The following IWS1 variants were observed in gnomAD, a reference collection of about 807,000 sequenced individuals.
IWS1 encodes interacts with SUPT6H, CTD assembly factor 1.
A neutral mutation model predicts 86.7 loss-of-function variants in IWS1; 27 were observed. The ratio of observed to expected loss-of-function variants is 0.31; its 90% CI spans 0.23 to 0.43. IWS1 has a LOEUF of 0.43. Among genes scored for constraint, IWS1 ranks in the 20% least tolerant of loss-of-function variants. The pLI is 1.00. For synonymous variants in IWS1, 313 were observed against 335.1 expected (o/e 0.93, Z 0.72); for missense variants, 827 against 1,000.8 (o/e 0.83, Z 2.34).
Position 127,505,427 on chromosome 2 carries a change from G to C in IWS1, c.476C>G (p.Ser159Cys), listed in dbSNP as rs1315853780. Residue 159 changes from serine to cysteine, a missense_variant, in exon 3 of 14, where the codon TCT becomes TGT. By Grantham distance (112) the Ser-to-Cys change is moderately radical. This residue lies in a region of IWS1 where 548 missense variants were observed against 560.2 expected (regional missense o/e 0.98). Coordinates refer to ENST00000295321, the MANE Select transcript of IWS1 (RefSeq NM_017969.3). This position sits in a 1 kb window ranked among gnomAD's most constrained non-coding sequence, Gnocchi z 5.0. ...ACTCTTCTGGAGCTCCTCAATCTCA[G>C]AATCACTGGCGGGATGCTTCCCAAC... ...EDVGKHPASDSEIEELQKSPA... is the reference protein window; with the variant it reads ...EDVGKHPASDCEIEELQKSPA... The C allele has an allele frequency of 6.2e-7, 1 of 1,614,014 alleles. No homozygotes were observed. The highest frequency in any genetic ancestry group is 8.5e-7 in the Non-Finnish European group (1 of 1,180,036).
chr2:127,527,079 A>T (rs564789122), upstream of IWS1, among the ~76,000 whole-genome samples: 1 of 152,342 alleles, frequency 6.6e-6, no homozygotes, highest in African/African-American at 2.4e-5. Flanking sequence ...GGTGAAGTTG[A>T]ACTTTACCTG....
chr2:127,506,077 T>C (rs1691134515), intron 2 of IWS1, among the ~76,000 whole-genome samples: 1 of 152,242 alleles, frequency 6.6e-6, no homozygotes, highest in South Asian at 2.1e-4. Context: ...TACATACTTC[T>C]GTTTTGTAAA....
At position 127,496,197 on chromosome 2, in the gene IWS1, C is replaced by T. The variant is rs777903903; in HGVS notation, c.1566-49G>A. The T allele has an allele frequency of 7.0e-6, 11 of 1,564,568 alleles. No homozygotes were observed. The East Asian group carries it at 9.1e-5, about 13-fold the overall frequency. ...TGAAATACAAGTTGTCTTTTAAATA[C>T]ACATTTACTTTCACAACAATTAAGA... On this transcript the variant is annotated intron_variant, in intron 6 of 13. Coordinates refer to ENST00000295321, the MANE Select transcript of IWS1 (RefSeq NM_017969.3).
intron 13 of IWS1, among the ~76,000 whole-genome samples, chr2:127,481,550 A>G (rs1476649631): frequency 6.6e-6 from 1 of 152,146 alleles, no homozygotes; most frequent in Non-Finnish European, 1.5e-5. Flanking sequence ...GCCGCTTGAC[A>G]TGCACTTTCA....
chr2:127,505,216 G>A lies in IWS1; in HGVS notation c.687C>T (p.Pro229=), dbSNP rs1285010485. 3.7e-6 allele frequency: 6 copies of A among 1,613,696 alleles called. No homozygotes were observed. In the African/African-American group the frequency reaches 4.0e-5, roughly 11 times the overall value. ...CAGAGTCACTGGCCTGGTGCCTTGG[G>A]GGTTCCTCACTTTCTGAATCACTGA... The part of the protein sequence containing the change: ...PQVSDSESEE[P]PRHQASDSEN... Residue 229 remains proline (P), a synonymous_variant, in exon 3 of 14, where the codon CCC becomes CCT. Coordinates refer to ENST00000295321, the MANE Select transcript of IWS1 (RefSeq NM_017969.3). The surrounding 1 kb of genome is among the most constrained non-coding windows in gnomAD (Gnocchi z 5.0).
intron 2 of IWS1, among the ~76,000 whole-genome samples, chr2:127,520,055 G>T (rs1692006991): frequency 6.6e-6 from 1 of 152,188 alleles, no homozygotes; most frequent in African/African-American, 2.4e-5. Context: ...AGAATTATAA[G>T]ATAATAATTT....
At chr2:127,510,960 C>T (rs1691417241) in intron 2 of IWS1, among the ~76,000 whole-genome samples, 1 of 152,162 alleles carries the variant, frequency 6.6e-6, no homozygotes, top group Admixed American at 6.5e-5. Flanking sequence ...AAAGGTGTCA[C>T]AGAATCTGAA....
chr2:127,525,084 A>C (rs1051930229), intron 1 of IWS1, among the ~76,000 whole-genome samples: 1 of 111,652 alleles, frequency 9.0e-6, no homozygotes, highest in Admixed American at 1.0e-4. Flanking sequence ...TTTTGTAGAG[A>C]CGAAGTAGGG....
chr2:127,493,194 A>G, intron 9 of IWS1, 87 bp downstream of exon 9: 1 of 1,225,914 alleles, frequency 8.2e-7, no homozygotes, highest in Non-Finnish European at 1.1e-6. Flanking sequence ...GAGATAACAT[A>G]TAAAAACACT....
At chr2:127,486,520 G>C in intron 13 of IWS1, 33 bp downstream of exon 13, 1 of 1,413,056 alleles carries the variant, frequency 7.1e-7, no homozygotes, top group South Asian at 1.1e-5. Flanking sequence ...ATCTGCAGGT[G>C]AGATCCACCT....
In IWS1 at chr2:127,505,589, G is replaced by C; in HGVS notation, c.314C>G (p.Ala105Gly). ...GACATCCTCATTTTCAGAATCGCTTGCAGGAGGCTCTGCACGTTCCTCAGA... is the reference window on the plus strand; with the variant it reads ...GACATCCTCATTTTCAGAATCGCTTCCAGGAGGCTCTGCACGTTCCTCAGA... ...SESEERAEPP[A>G]SDSENEDVNQ... is the part of the protein sequence containing the mutation. Residue 105 changes from alanine to glycine, a missense_variant, in exon 3 of 14, where the codon GCA (alanine) becomes GGA (glycine). Coordinates refer to ENST00000295321, the MANE Select transcript of IWS1 (RefSeq NM_017969.3). The surrounding 1 kb of genome is among the most constrained non-coding windows in gnomAD (Gnocchi z 5.0). The C allele has an allele frequency of 6.2e-7, 1 of 1,613,724 alleles. No homozygotes were observed. The highest frequency in any genetic ancestry group is 8.5e-7 in the Non-Finnish European group (1 of 1,179,904).
At chr2:127,522,030 CAATTA>C (rs894593552) in intron 2 of IWS1, among the ~76,000 whole-genome samples, 6 of 152,182 alleles carry the variant, frequency 3.9e-5, no homozygotes, top group African/African-American at 1.4e-4. Flanking sequence ...TTCCAACTAT[CAATTA>C]AAATATTGGA....
At position 127,481,099 on chromosome 2, in the gene IWS1, CT is replaced by C; in HGVS notation, c.2404del (p.Ser802AlafsTer7). The part of the protein sequence containing the change: ...MRKFTDIRKK[S>X]RSAHAVKISI... ...GATTTTCACTGCGTGTGCAGATCTGCTTTTTTTCCTTATATCTGTGAACTTT... is the reference window on the plus strand; with the variant it reads ...GATTTTCACTGCGTGTGCAGATCTGCTTTTTTCCTTATATCTGTGAACTTT... On this transcript the variant is annotated frameshift_variant, in exon 14 of 14. Transcript: ENST00000295321. LOFTEE classifies it high-confidence loss of function. 1 of 1,612,182 alleles carries C rather than the reference CT, an allele frequency of 6.2e-7. No homozygotes were observed. Among genetic ancestry groups the C allele is most frequent in the Non-Finnish European group, 8.5e-7 (1 of 1,179,472 alleles).
intron 1 of IWS1, among the ~76,000 whole-genome samples, chr2:127,525,748 G>C (rs1407149991): frequency 6.6e-6 from 1 of 152,128 alleles, no homozygotes; most frequent in African/African-American, 2.4e-5. Flanking sequence ...CTGAAACATG[G>C]GTCCTGCACT....
chr2:127,509,003 A>G (rs1382330701), intron 2 of IWS1, among the ~76,000 whole-genome samples: 2 of 152,240 alleles, frequency 1.3e-5, no homozygotes, highest in African/African-American at 4.8e-5. Context: ...TGTAAAATTT[A>G]GGAATCCTCA....
intron 2 of IWS1, chr2:127,514,249 A>C (rs1198979896): frequency 6.5e-6 from 1 of 154,334 alleles, no homozygotes; most frequent in African/African-American, 2.4e-5. Context: ...CCGTCACTCA[A>C]TAAAACTCTT....
chr2:127,517,832 T>A (rs1691859287), intron 2 of IWS1, among the ~76,000 whole-genome samples: 1 of 152,324 alleles, frequency 6.6e-6, no homozygotes, highest in African/African-American at 2.4e-5. Flanking sequence ...CATCAGCTGA[T>A]GAATGGATAA....
chr2:127,506,423 A>C (rs1256131831), intron 2 of IWS1, among the ~76,000 whole-genome samples: 2 of 152,242 alleles, frequency 1.3e-5, no homozygotes, highest in Non-Finnish European at 2.9e-5. Flanking sequence ...ATACAAGCAA[A>C]CATGTAACCA....
chr2:127,485,356 G>A (rs1163576031), intron 13 of IWS1, among the ~76,000 whole-genome samples: 1 of 152,146 alleles, frequency 6.6e-6, no homozygotes, highest in Non-Finnish European at 1.5e-5. Context: ...AAGCATAGTG[G>A]ATCAGTGAGT....
Sources: gnomAD v4.1 joint callset for allele counts (sites outside exome capture counted in the v4.1 genomes callset) on GRCh38, gnomAD v4.1.1 for gene constraint, gnomAD v4.1.1 regional missense constraint, Gnocchi (gnomAD v3.1) non-coding constraint, MANE v1.5 for transcripts, NCBI Gene and HGNC (gene_info 2026-07-23, HGNC 2026-07-21) for gene names.